CNTNAP5: variants seen among roughly 807,000 people sequenced by gnomAD.
CNTNAP5 encodes contactin associated protein family member 5.
In CNTNAP5, 72 loss-of-function variants were observed where a neutral mutation model predicts 150.2. The ratio of observed to expected loss-of-function variants is 0.48; its 90% confidence interval spans 0.40 to 0.58. The LOEUF (loss-of-function observed/expected upper bound fraction) is 0.58. Among genes scored for constraint, CNTNAP5 ranks in the 20% least tolerant of loss-of-function variants. CNTNAP5 has a pLI of 0.00. For missense variants in CNTNAP5, 1,636 were observed against 1,626.2 expected, an observed-to-expected ratio of 1.01 and a Z score of -0.10; for synonymous variants, 672 against 619.8, an observed-to-expected ratio of 1.08 and a Z score of -1.25.
rs1232440333 is a variant in CNTNAP5, at chr2:124,563,285, G to T, written c.1718G>T (p.Cys573Phe). Reference protein sequence around the residue: ...SQSWTTFYCNCSDTSYTGATC... With the variant: ...SQSWTTFYCNFSDTSYTGATC... ...TCCTGGACTACCTTCTATTGTAACT[G>T]CAGTGACACAAGTTACACTGGTGCC... is the stretch of plus-strand genomic sequence containing the variant. The change falls in exon 11 of 24, where the codon TGC (cysteine) becomes TTC (phenylalanine). Residue 573 changes from cysteine (C) to phenylalanine (F), a missense_variant. Coordinates refer to ENST00000682447, the MANE Select transcript of CNTNAP5 (RefSeq NM_001367498.1). 5.7e-6 allele frequency: 9 copies of T among 1,577,830 alleles called. No individual in the cohort carries two copies. In the Admixed American group the frequency reaches 1.7e-4, roughly 29 times the overall value.
At chr2:124,303,398 T>C (rs1688611362) in intron 3 of CNTNAP5, among the ~76,000 whole-genome samples, 1 of 152,168 alleles carries the variant, frequency 6.6e-6, no homozygotes, top group Admixed American at 6.5e-5. Flanking sequence ...TGCAAATGTA[T>C]ATAACAGACA....
At chr2:124,286,922 A>G (rs1021982417) in intron 3 of CNTNAP5, among the ~76,000 whole-genome samples, 4 of 152,180 alleles carry the variant, frequency 2.6e-5, no homozygotes, top group African/African-American at 9.7e-5. Flanking sequence ...CACAAGATCA[A>G]TACCCAAGTT....
At chr2:124,454,250 A>G (rs1456074721) in intron 6 of CNTNAP5, among the ~76,000 whole-genome samples, 1 of 152,168 alleles carries the variant, frequency 6.6e-6, no homozygotes, top group East Asian at 1.9e-4. Flanking sequence ...AGGTGTAGCT[A>G]TTCTTATATT....
intron 12 of CNTNAP5, among the ~76,000 whole-genome samples, chr2:124,633,727 G>A (rs937286826): frequency 6.6e-6 from 1 of 152,192 alleles, no homozygotes; most frequent in African/African-American, 2.4e-5. Context: ...TATCCCTGGA[G>A]CAGGTTTTTG....
At position 124,918,007 on chromosome 2, in the gene CNTNAP5, A is replaced by G; in HGVS notation, c.*3719A>G. ...TCAAAGTAGATATCTATCAATGCAT[A>G]TAGATTTCTGTAGAAAGGGGTGGAT... is the stretch of plus-strand genomic sequence containing the variant. On this transcript the variant is annotated 3_prime_UTR_variant, in exon 24 of 24. Coordinates refer to ENST00000682447, the MANE Select transcript of CNTNAP5 (RefSeq NM_001367498.1). Among the ~76,000 whole-genome samples the G allele has an allele frequency of 6.6e-6, 1 of 152,070 alleles. No individual in the cohort carries two copies. The highest frequency in any genetic ancestry group is 1.5e-5 in the Non-Finnish European group (1 of 67,998).
chr2:124,501,443 T>C (rs566726787), intron 7 of CNTNAP5, among the ~76,000 whole-genome samples: 1 of 152,332 alleles, frequency 6.6e-6, no homozygotes, highest in African/African-American at 2.4e-5. Flanking sequence ...GATTAAAAGA[T>C]ATATAGGGTA....
intron 1 of CNTNAP5, among the ~76,000 whole-genome samples, chr2:124,108,187 TTGAGGCC>T (rs1683209953): frequency 6.6e-6 from 1 of 152,200 alleles, no homozygotes; most frequent in Admixed American, 6.5e-5. Flanking sequence ...GGTAAAAATC[TTGAGGCC>T]CACAAGGAAT....
At chr2:124,493,688 A>G (rs111884931) in intron 7 of CNTNAP5, among the ~76,000 whole-genome samples, 1 of 152,070 alleles carries the variant, frequency 6.6e-6, no homozygotes, top group African/African-American at 2.4e-5. Context: ...AATTACACAC[A>G]TTCCTTCCTA....
chr2:124,874,805 T>C (rs952760639), intron 21 of CNTNAP5, among the ~76,000 whole-genome samples: 5 of 152,040 alleles, frequency 3.3e-5, no homozygotes, highest in Admixed American at 1.3e-4. Context: ...GAATTTGCAC[T>C]CATGGCATGC....
At chr2:124,759,753 A>C (rs2105160089) in intron 14 of CNTNAP5, among the ~76,000 whole-genome samples, 1 of 151,986 alleles carries the variant, frequency 6.6e-6, no homozygotes, top group Middle Eastern at 3.4e-3. Context: ...TTATGTTAGG[A>C]AATAAAAACA....
At chr2:124,366,709 T>C (rs1469149116) in intron 3 of CNTNAP5, among the ~76,000 whole-genome samples, 2 of 152,198 alleles carry the variant, frequency 1.3e-5, no homozygotes, top group African/African-American at 4.8e-5. Flanking sequence ...TGACTTGTAA[T>C]TGGAGTCATA....
rs1456787662 is a variant in CNTNAP5, at chr2:124,706,834, G to A, written c.2078-40395G>A. ...GGAGGAGGAGGAGGAGGAAGAGGAG[G>A]AGGGGGAGGAAGGAGGAGGAGGAGA... On this transcript the variant is annotated intron_variant, in intron 13 of 23. Transcript: ENST00000682447. 9.8e-3 allele frequency among the ~76,000 whole-genome samples: 56 copies of A among 5,734 alleles called. 6 individuals carry two copies. The highest frequency in any genetic ancestry group is 0.028 in the African/African-American group (49 of 1,768). 3.8% of individuals were successfully genotyped at this position (5,734 alleles called of 152,430 possible). A position where few individuals can be genotyped will look rare whatever the true frequency, so the allele number is the denominator to read the frequency against.
chr2:124,507,994 G>T (rs1694454774), intron 8 of CNTNAP5, among the ~76,000 whole-genome samples: 1 of 152,126 alleles, frequency 6.6e-6, no homozygotes, highest in African/African-American at 2.4e-5. Flanking sequence ...AATATGCCCA[G>T]CTTGTGTCCA....
chr2:124,821,895 G>T (rs1682499323), intron 19 of CNTNAP5, among the ~76,000 whole-genome samples: 1 of 152,232 alleles, frequency 6.6e-6, no homozygotes, highest in Non-Finnish European at 1.5e-5. Flanking sequence ...TTTGAGAAAT[G>T]TGGTTTGGTC....
intron 1 of CNTNAP5, among the ~76,000 whole-genome samples, chr2:124,156,887 T>C (rs1248970342): frequency 6.6e-6 from 1 of 152,222 alleles, no homozygotes; most frequent in Non-Finnish European, 1.5e-5. Context: ...AAGTCACTGA[T>C]TACCTCTGTG....
intron 17 of CNTNAP5, among the ~76,000 whole-genome samples, chr2:124,774,748 T>C (rs541226797): frequency 6.8e-4 from 103 of 152,300 alleles, no homozygotes; most frequent in African/African-American, 2.4e-3. Context: ...TATTTATGAA[T>C]CTTTCTGGCT....
chr2:124,874,766 C>T (rs559152338), intron 21 of CNTNAP5, among the ~76,000 whole-genome samples: 96 of 152,080 alleles, frequency 6.3e-4, no homozygotes, highest in Non-Finnish European at 1.3e-3. Flanking sequence ...TAAACTATTG[C>T]TACCAAATTC....
intron 3 of CNTNAP5, among the ~76,000 whole-genome samples, chr2:124,284,637 GAAAA>G (rs1688100615): frequency 6.6e-6 from 1 of 152,000 alleles, no homozygotes; most frequent in East Asian, 1.9e-4. Flanking sequence ...TTTTAAAAAA[GAAAA>G]AAGAACCAAA....
chr2:124,706,923 A>AG (rs1558743311), intron 13 of CNTNAP5, among the ~76,000 whole-genome samples: 22 of 26,408 alleles, frequency 8.3e-4, no homozygotes, highest in African/African-American at 3.0e-3. Context: ...GAGGAGAAGA[A>AG]GAAGAAGAAG....
Sources: gnomAD v4.1 joint callset for allele counts (sites outside exome capture counted in the v4.1 genomes callset) on GRCh38, gnomAD v4.1.1 for gene constraint, MANE v1.5 for transcripts, NCBI Gene and HGNC (gene_info 2026-07-23, HGNC 2026-07-21) for gene names.